Variants in DIPK1A observed in about 807,000 individuals in gnomAD.
The protein encoded by DIPK1A is family with sequence similarity 69 member A.
Under a neutral mutation model 40.8 loss-of-function variants are expected in DIPK1A, and 27 were observed. The ratio of observed to expected loss-of-function variants is 0.66; its 90% CI spans 0.49 to 0.91. DIPK1A has a LOEUF of 0.91. DIPK1A is among the 40% of genes least tolerant of loss of function. The probability of loss-of-function intolerance (pLI) is 0.00; values close to 1 mark genes in which losing one functional copy is unlikely to be tolerated. For synonymous variants in DIPK1A, 166 were observed against 171.3 expected (o/e 0.97, Z 0.24); for missense variants, 412 against 505.7 (o/e 0.81, Z 1.78).
At chr1:92,859,405 C>A (rs950773995) in intron 2 of DIPK1A, among the ~76,000 whole-genome samples, 5 of 152,010 alleles carry the variant, frequency 3.3e-5, no homozygotes, top group Non-Finnish European at 7.4e-5. Context: ...AAATCTCTCT[C>A]CCCCCTGCCC....
chr1:92,837,907 T>G, downstream of DIPK1A: 1 of 439,886 alleles, frequency 2.3e-6, no homozygotes, highest in Non-Finnish European at 4.2e-6. Flanking sequence ...TAAGAGGTGC[T>G]AGATAATAAA....
At chr1:92,950,166 G>A (rs1651568719) in intron 1 of DIPK1A, among the ~76,000 whole-genome samples, 1 of 152,026 alleles carries the variant, frequency 6.6e-6, no homozygotes, top group South Asian at 2.1e-4. Flanking sequence ...TAAAGGACAA[G>A]TAAAAAAAAG....
chr1:92,915,408 T>C (rs1650013871), intron 1 of DIPK1A, among the ~76,000 whole-genome samples: 1 of 152,156 alleles, frequency 6.6e-6, no homozygotes, highest in African/African-American at 2.4e-5. Flanking sequence ...CTCTATAAAA[T>C]GTAATTAAAA....
intron 2 of DIPK1A, among the ~76,000 whole-genome samples, chr1:92,867,607 G>C (rs1265632676): frequency 1.3e-5 from 2 of 152,170 alleles, no homozygotes; most frequent in African/African-American, 4.8e-5. Context: ...CCAGGTTCAA[G>C]CGATTCTCCT....
chr1:92,840,063 A>G (rs978003773), downstream of DIPK1A, among the ~76,000 whole-genome samples: 1 of 148,900 alleles, frequency 6.7e-6, no homozygotes, highest in East Asian at 2.0e-4. Context: ...TCTGTCATCT[A>G]GGCTGGGGTC....
chr1:92,894,025 G>C (rs1027104944), intron 1 of DIPK1A, among the ~76,000 whole-genome samples: 154 of 152,150 alleles, frequency 1.0e-3, no homozygotes, highest in South Asian at 4.8e-3. Context: ...GACCTACAAA[G>C]AGACTTAGAC....
chr1:92,941,814 C>T (rs896700460), intron 1 of DIPK1A, among the ~76,000 whole-genome samples: 1 of 152,052 alleles, frequency 6.6e-6, no homozygotes, highest in Non-Finnish European at 1.5e-5. Flanking sequence ...ACTCTATACT[C>T]GAAAAGTGCA....
At chr1:92,948,538 C>G (rs1384317804) in intron 1 of DIPK1A, among the ~76,000 whole-genome samples, 1 of 149,954 alleles carries the variant, frequency 6.7e-6, no homozygotes, top group Admixed American at 6.7e-5. Context: ...CTTGCCTCAG[C>G]CTCCCAAAGT....
chr1:92,845,692 T>A (rs1470190271), intron 4 of DIPK1A, among the ~76,000 whole-genome samples: 2 of 151,010 alleles, frequency 1.3e-5, no homozygotes, highest in Admixed American at 6.6e-5. Flanking sequence ...ATACAAAAAT[T>A]AGGTGTGGTG....
At chr1:92,878,569 C>A (rs1423563046) in intron 1 of DIPK1A, among the ~76,000 whole-genome samples, 2 of 152,094 alleles carry the variant, frequency 1.3e-5, no homozygotes, top group African/African-American at 4.8e-5. Context: ...ACCTGTAATC[C>A]CAGCACTTTG....
intron 1 of DIPK1A, among the ~76,000 whole-genome samples, chr1:92,922,626 G>C (rs945688627): frequency 3.9e-5 from 6 of 152,280 alleles, no homozygotes; most frequent in South Asian, 2.1e-4. Flanking sequence ...CAGTCCTCTG[G>C]AAGTCTGAAG....
At chr1:92,884,453 AAAAC>A (rs1648510804) in intron 1 of DIPK1A, among the ~76,000 whole-genome samples, 1 of 151,330 alleles carries the variant, frequency 6.6e-6, no homozygotes, top group African/African-American at 2.5e-5. Context: ...ACCCTGTCTT[AAAAC>A]AAACAAACAA....
downstream of DIPK1A, chr1:92,837,494 A>G (rs1323030006): frequency 2.5e-6 from 4 of 1,613,118 alleles, no homozygotes; most frequent in Non-Finnish European, 3.4e-6. Context: ...GAAAGCAAGG[A>G]ATTTAATGCA....
intron 2 of DIPK1A, among the ~76,000 whole-genome samples, chr1:92,863,904 A>C (rs574896070): frequency 6.6e-6 from 1 of 152,070 alleles, no homozygotes; most frequent in Non-Finnish European, 1.5e-5. Context: ...AAAATACAAA[A>C]AAATTAGCCG....
At chr1:92,948,992 G>T (rs1651517192) in intron 1 of DIPK1A, among the ~76,000 whole-genome samples, 1 of 151,546 alleles carries the variant, frequency 6.6e-6, no homozygotes, top group Admixed American at 6.6e-5. Context: ...TTTTAGTAGA[G>T]ATGGGGTTTC....
chr1:92,949,544 T>C (rs1388029188), intron 1 of DIPK1A, among the ~76,000 whole-genome samples: 2 of 152,166 alleles, frequency 1.3e-5, no homozygotes, highest in African/African-American at 4.8e-5. Flanking sequence ...CCCAAAGTGC[T>C]AGGATTACAA....
At chr1:92,961,045 G>A (rs553090656) in intron 1 of DIPK1A, among the ~76,000 whole-genome samples, 1 of 152,284 alleles carries the variant, frequency 6.6e-6, no homozygotes, top group East Asian at 1.9e-4. Context: ...AGCGGCGCAG[G>A]GCTGCGGGCA....
At chr1:92,923,433 G>C (rs1650347360) in intron 1 of DIPK1A, among the ~76,000 whole-genome samples, 1 of 152,184 alleles carries the variant, frequency 6.6e-6, no homozygotes, top group African/African-American at 2.4e-5. Context: ...ACCTCACTCA[G>C]CCTGTTCCTT....
intron 1 of DIPK1A, among the ~76,000 whole-genome samples, chr1:92,954,392 TTTTG>T: frequency 8.3e-4 from 1 of 1,206 alleles, no homozygotes. Context: ...TTTTTTTTTG[TTTTG>T]AGACAGAGTC....
Sources: gnomAD v4.1 joint callset for allele counts (sites outside exome capture counted in the v4.1 genomes callset) on GRCh38, gnomAD v4.1.1 for gene constraint, MANE v1.5 for transcripts, NCBI Gene and HGNC (gene_info 2026-07-23, HGNC 2026-07-21) for gene names.